ROBO2: variants seen among roughly 807,000 people sequenced by gnomAD.
The protein encoded by ROBO2 is roundabout homolog 2.
A neutral mutation model predicts 160.8 loss-of-function variants in ROBO2; 53 were observed. The ratio of observed to expected loss-of-function variants is 0.33; its 90% CI spans 0.26 to 0.41. The LOEUF (loss-of-function observed/expected upper bound fraction) is 0.41, where lower values mean the gene tolerates loss of function less well. Ranked by LOEUF, ROBO2 falls within the 10% of genes least tolerant of loss-of-function variation. ROBO2 has a pLI of 1.00. For synonymous variants in ROBO2, 664 were observed against 611.7 expected (o/e 1.09, Z -1.26); for missense variants, 1,577 against 1,722.4 (o/e 0.92, Z 1.49).
intron 2 of ROBO2, among the ~76,000 whole-genome samples, chr3:76,757,272 A>C (rs932921848): frequency 6.6e-6 from 1 of 151,848 alleles, no homozygotes; most frequent in Non-Finnish European, 1.5e-5. Context: ...CTTAGTGTAC[A>C]TGGCCTCTTG....
chr3:75,972,064 G>T (rs2065012163), intron 2 of ROBO2, among the ~76,000 whole-genome samples: 1 of 151,608 alleles, frequency 6.6e-6, no homozygotes, highest in Admixed American at 6.6e-5. Flanking sequence ...CCATCTTCAT[G>T]GAAATGGAAA....
chr3:77,294,022 C>G (rs1387355862), intron 2 of ROBO2, among the ~76,000 whole-genome samples: 1 of 140,514 alleles, frequency 7.1e-6, no homozygotes, highest in East Asian at 2.1e-4. Flanking sequence ...GCTAGATCAC[C>G]CAGACATAAA....
chr3:77,023,640 A>C (rs1037075345), intron 2 of ROBO2, among the ~76,000 whole-genome samples: 1 of 152,240 alleles, frequency 6.6e-6, no homozygotes, highest in African/African-American at 2.4e-5. Flanking sequence ...ACATTCTGCT[A>C]AAAGGATATA....
At chr3:76,317,482 T>A (rs2072131151) in intron 2 of ROBO2, among the ~76,000 whole-genome samples, 1 of 152,154 alleles carries the variant, frequency 6.6e-6, no homozygotes, top group Non-Finnish European at 1.5e-5. Flanking sequence ...AACACTGTTG[T>A]TCAAAAGTAA....
At position 77,302,964 on chromosome 3, in the gene ROBO2, G is replaced by A. The variant is rs1451921764; in HGVS notation, c.389-174450G>A. Among the ~76,000 whole-genome samples, 5 of 152,002 alleles carry A rather than the reference G, an allele frequency of 3.3e-5. No individual in the cohort carries two copies. The East Asian group carries it at 5.8e-4, about 18-fold the overall frequency. The stretch of plus-strand genomic sequence containing the variant: ...AGTAAGGGAATATTTTTTCTTTACT[G>A]CTCAGATGTTTTATCAGCTTTGAAT... On this transcript the variant is annotated intron_variant, in intron 2 of 25. Coordinates refer to ENST00000461745, the Ensembl canonical transcript of ROBO2.
intron 2 of ROBO2, among the ~76,000 whole-genome samples, chr3:76,166,421 C>T (rs2072840056): frequency 6.6e-6 from 1 of 152,128 alleles, no homozygotes; most frequent in African/African-American, 2.4e-5. Flanking sequence ...TATTCTCAGG[C>T]CAGTTCTTTC....
intron 2 of ROBO2, among the ~76,000 whole-genome samples, chr3:76,062,769 T>C (rs73842940): frequency 6.6e-6 from 1 of 152,162 alleles, no homozygotes; most frequent in African/African-American, 2.4e-5. Context: ...TGCTTGACCC[T>C]AGCAAATCAT....
chr3:77,150,306 A>G lies in ROBO2; in HGVS notation c.388+51966A>G, dbSNP rs565851617. On this transcript the variant is annotated intron_variant, in intron 2 of 25. Coordinates refer to ENST00000461745, the Ensembl canonical transcript of ROBO2. ...CGAATGCATGCATATTAGTCAAGGG[A>G]TGTGACATAGCTGTCCCGGGTGAGA... Among the ~76,000 whole-genome samples, 5 of 152,312 alleles carry G rather than the reference A, an allele frequency of 3.3e-5. No homozygotes were observed. The East Asian group carries it at 7.7e-4, about 24-fold the overall frequency.
intron 2 of ROBO2, among the ~76,000 whole-genome samples, chr3:76,269,340 A>G (rs1021958965): frequency 6.6e-6 from 1 of 152,078 alleles, no homozygotes; most frequent in East Asian, 1.9e-4. Context: ...AAACACATGA[A>G]GCTTTACAAT....
At chr3:77,446,357 A>G (rs1467306654) in intron 2 of ROBO2, among the ~76,000 whole-genome samples, 1 of 152,066 alleles carries the variant, frequency 6.6e-6, no homozygotes, top group African/African-American at 2.4e-5. Context: ...TATGTATTTC[A>G]TAATTTGAAA....
intron 1 of ROBO2, among the ~76,000 whole-genome samples, chr3:77,080,362 G>T (rs965031335): frequency 2.0e-5 from 3 of 152,110 alleles, no homozygotes; most frequent in Non-Finnish European, 4.4e-5. Context: ...TGATTAGAAG[G>T]TAGTAGATTG....
At chr3:76,043,236 T>C (rs916072448) in intron 2 of ROBO2, among the ~76,000 whole-genome samples, 4 of 150,884 alleles carry the variant, frequency 2.7e-5, no homozygotes, top group African/African-American at 9.9e-5. Context: ...TAAGAACATT[T>C]TGCCACTGTG....
chr3:76,573,271 G>GTTT, intron 2 of ROBO2, among the ~76,000 whole-genome samples: 1 of 151,998 alleles, frequency 6.6e-6, no homozygotes, highest in Non-Finnish European at 1.5e-5. Flanking sequence ...AAAAACTGGG[G>GTTT]TTGATAATAG....
intron 1 of ROBO2, among the ~76,000 whole-genome samples, chr3:75,932,385 A>T (rs1413510255): frequency 1.4e-4 from 21 of 152,202 alleles, no homozygotes; most frequent in Non-Finnish European, 1.5e-5. Context: ...AAACTGGGTT[A>T]CTGTGAAATC....
chr3:77,443,008 C>T (rs911082188), intron 2 of ROBO2, among the ~76,000 whole-genome samples: 2 of 152,144 alleles, frequency 1.3e-5, no homozygotes, highest in African/African-American at 2.4e-5. Flanking sequence ...TGTCTGAGTG[C>T]ATTGTTAGTT....
intron 2 of ROBO2, among the ~76,000 whole-genome samples, chr3:76,134,493 T>C (rs1455592756): frequency 6.6e-6 from 1 of 152,110 alleles, no homozygotes; most frequent in African/African-American, 2.4e-5. Context: ...TCAGAGGTTA[T>C]CTTGGATAGG....
intron 2 of ROBO2, among the ~76,000 whole-genome samples, chr3:77,023,611 T>C (rs1374679758): frequency 6.6e-6 from 1 of 152,206 alleles, no homozygotes; most frequent in Non-Finnish European, 1.5e-5. Flanking sequence ...TTAGTACTTT[T>C]AGAGTTCAAG....
chr3:76,209,652 T>G (rs1486763891), intron 2 of ROBO2, among the ~76,000 whole-genome samples: 1 of 152,082 alleles, frequency 6.6e-6, no homozygotes, highest in Non-Finnish European at 1.5e-5. Flanking sequence ...AGAGTTGACA[T>G]CAAATAATAT....
chr3:77,459,600 G>A (rs925200946), intron 2 of ROBO2, among the ~76,000 whole-genome samples: 2 of 152,166 alleles, frequency 1.3e-5, no homozygotes, highest in African/African-American at 2.4e-5. Flanking sequence ...ATATTCAGGG[G>A]AGAAAACAGA....
Sources: gnomAD v4.1 joint callset for allele counts (sites outside exome capture counted in the v4.1 genomes callset) on GRCh38, gnomAD v4.1.1 for gene constraint, MANE v1.5 for transcripts, NCBI Gene and HGNC (gene_info 2026-07-23, HGNC 2026-07-21) for gene names.